ZNF69: variants seen among roughly 807,000 people sequenced by gnomAD.
ZNF69 encodes the protein ZNF3.
A neutral mutation model predicts 50.9 loss-of-function variants in ZNF69; 47 were observed. The observed-to-expected ratio is 0.92, with a 90% CI of 0.73 to 1.18. The LOEUF is 1.18. ZNF69 is among the 50% of genes most tolerant of loss of function. The pLI is 0.00. For missense variants in ZNF69, 717 were observed against 675.1 expected (o/e 1.06, Z -0.69); for synonymous variants, 216 against 223.1 (o/e 0.97, Z 0.29).
the ZNF69 span, chr19:11,977,243 G>A: frequency 6.2e-6 from 10 of 1,605,842 alleles, no homozygotes; most frequent in African/African-American, 1.3e-4. Context: ...GAGTCATTTG[G>A]AACATAGACA....
the ZNF69 span, chr19:11,977,445 A>G: frequency 6.2e-7 from 1 of 1,613,656 alleles, no homozygotes; most frequent in Non-Finnish European, 8.5e-7. Flanking sequence ...ATTGGCACTT[A>G]AAGAGAAAGC....
At position 11,904,752 on chromosome 19, in the gene ZNF69, G is replaced by T. The variant is rs140988158; in HGVS notation, c.355G>T (p.Ala119Ser). 4.3e-6 allele frequency: 7 copies of T among 1,613,820 alleles called. No homozygotes were observed. The Admixed American group carries it at 1.2e-4, about 27-fold the overall frequency. Reference sequence around the variant, plus strand: ...CAGGCTGAACTTCCAGGAGAAGAAAGCTTCTCCTGAAATAAAATCATGTGA... The same window carrying T: ...CAGGCTGAACTTCCAGGAGAAGAAATCTTCTCCTGAAATAAAATCATGTGA... ...DDRLNFQEKKASPEIKSCDSF... is the reference protein window; with the variant it reads ...DDRLNFQEKKSSPEIKSCDSF... The change falls in exon 4 of 4, where the codon GCT (alanine) becomes TCT (serine). Residue 119 changes from alanine (A) to serine (S), a missense_variant. Physicochemically the swap from Ala to Ser is moderately conservative, Grantham distance 99. Transcript: ENST00000429654.
the ZNF69 span, chr19:11,956,408 G>A: frequency 2.5e-6 from 1 of 392,672 alleles, no homozygotes; most frequent in African/African-American, 2.1e-5. Context: ...AGGGGTGATA[G>A]GTAAGTGCCT....
the ZNF69 span, among the ~76,000 whole-genome samples, chr19:11,941,328 G>A: frequency 6.6e-6 from 1 of 152,266 alleles, no homozygotes; most frequent in Non-Finnish European, 1.5e-5. Context: ...TGATGGGACT[G>A]GGTGCTGTGG....
chr19:11,948,357 A>G, the ZNF69 span: 4 of 1,613,856 alleles, frequency 2.5e-6, no homozygotes, highest in Non-Finnish European at 3.4e-6. Context: ...CAGATGACAG[A>G]CTGAACTTCC....
At chr19:11,973,499 G>GC in the ZNF69 span, among the ~76,000 whole-genome samples, 1 of 152,094 alleles carries the variant, frequency 6.6e-6, no homozygotes, top group Non-Finnish European at 1.5e-5. Flanking sequence ...CCTCTTGTGA[G>GC]CCACCACGTT....
the ZNF69 span, among the ~76,000 whole-genome samples, chr19:11,926,125 A>C: frequency 6.6e-5 from 10 of 152,208 alleles, no homozygotes; most frequent in Non-Finnish European, 2.9e-5. Context: ...CATCCCAGCC[A>C]GAAAACAGAC....
chr19:11,909,364 A>C (rs1253759412), downstream of ZNF69, among the ~76,000 whole-genome samples: 1 of 152,190 alleles, frequency 6.6e-6, no homozygotes, highest in Non-Finnish European at 1.5e-5. Context: ...GCAGAGACAC[A>C]ACAAAAAGAA....
the ZNF69 span, among the ~76,000 whole-genome samples, chr19:11,923,284 A>G: frequency 6.6e-6 from 1 of 152,124 alleles, no homozygotes; most frequent in Admixed American, 6.5e-5. Flanking sequence ...CCCCCTCCTC[A>G]TCGATGACTT....
the ZNF69 span, among the ~76,000 whole-genome samples, chr19:11,957,267 AT>A: frequency 1.3e-5 from 2 of 150,006 alleles, no homozygotes; most frequent in Admixed American, 6.6e-5. Flanking sequence ...AATTTTTTCT[AT>A]TTTTTTTAGT....
chr19:11,948,419 C>G, the ZNF69 span: 6 of 1,614,066 alleles, frequency 3.7e-6, no homozygotes, highest in Admixed American at 3.3e-5. Flanking sequence ...TTTGTGTGTG[C>G]AGAAGTTGGC....
At chr19:11,971,884 A>G in the ZNF69 span, among the ~76,000 whole-genome samples, 1 of 152,026 alleles carries the variant, frequency 6.6e-6, no homozygotes, top group Non-Finnish European at 1.5e-5. Context: ...ACAAACGTGG[A>G]GGTTTCCATG....
chr19:11,897,472 G>A (rs2145221948), intron 1 of ZNF69, among the ~76,000 whole-genome samples: 1 of 152,180 alleles, frequency 6.6e-6, no homozygotes, highest in Non-Finnish European at 1.5e-5. Context: ...CTACTCAGGA[G>A]GCTGAGGTAG....
At chr19:11,922,401 T>C in the ZNF69 span, among the ~76,000 whole-genome samples, 2 of 152,314 alleles carry the variant, frequency 1.3e-5, no homozygotes, top group South Asian at 4.1e-4. Context: ...ATATGAATCG[T>C]CTGAGCCAGT....
the ZNF69 span, among the ~76,000 whole-genome samples, chr19:11,975,604 G>C: frequency 2.2e-3 from 330 of 149,938 alleles, 4 homozygotes; most frequent in Middle Eastern, 7.4e-3. Context: ...TCACTGTGTC[G>C]ATCTCCTGAC....
the ZNF69 span, among the ~76,000 whole-genome samples, chr19:11,952,027 T>C: frequency 6.6e-6 from 1 of 152,142 alleles, no homozygotes; most frequent in Non-Finnish European, 1.5e-5. Context: ...TTACAAAAAT[T>C]AGCCAGGTGT....
the ZNF69 span, among the ~76,000 whole-genome samples, chr19:11,968,383 C>T: frequency 6.6e-6 from 1 of 152,098 alleles, no homozygotes; most frequent in Non-Finnish European, 1.5e-5. Flanking sequence ...GCTGAGAGTA[C>T]AGTTGCCCAC....
At chr19:11,953,497 C>G in the ZNF69 span, 5 of 152,208 alleles carry the variant, frequency 3.3e-5, no homozygotes, top group African/African-American at 1.2e-4. Flanking sequence ...TTTTCTGCAT[C>G]TGGTTAGACA....
chr19:11,927,893 A>T, the ZNF69 span, among the ~76,000 whole-genome samples: 1 of 151,946 alleles, frequency 6.6e-6, no homozygotes, highest in African/African-American at 2.4e-5. Context: ...AATTGGTGTT[A>T]CTCTGGCTCC....
Sources: gnomAD v4.1 joint callset for allele counts (sites outside exome capture counted in the v4.1 genomes callset) on GRCh38, gnomAD v4.1.1 for gene constraint, MANE v1.5 for transcripts, NCBI Gene and HGNC (gene_info 2026-07-23, HGNC 2026-07-21) for gene names.